SULT1E1: variants seen among roughly 807,000 people sequenced by gnomAD.
The protein encoded by SULT1E1 is sulfotransferase family 1E member 1.
A neutral mutation model predicts 33.6 loss-of-function variants in SULT1E1; 36 were observed. That is an observed-to-expected ratio of 1.07 (90% confidence interval 0.82 to 1.41). SULT1E1 has a LOEUF of 1.41. SULT1E1 is among the 40% of genes most tolerant of loss of function. SULT1E1 has a pLI of 0.00. For synonymous variants in SULT1E1, 121 were observed against 111.7 expected, an observed-to-expected ratio of 1.08 and a Z score of -0.53; for missense variants, 371 against 345.7, an observed-to-expected ratio of 1.07 and a Z score of -0.58.
chr4:69,858,806 G>A (rs991880754), intron 1 of SULT1E1, among the ~76,000 whole-genome samples: 1 of 152,078 alleles, frequency 6.6e-6, no homozygotes, highest in Non-Finnish European at 1.5e-5. Flanking sequence ...GAAGAAATGT[G>A]TATAAAATGC....
At chr4:69,851,113 A>G (rs148565582) in intron 4 of SULT1E1, among the ~76,000 whole-genome samples, 154 of 152,242 alleles carry the variant, frequency 1.0e-3, no homozygotes, top group African/African-American at 3.6e-3. Context: ...GCAAAGCCAA[A>G]ATTGACAAAT....
At chr4:69,845,412 A>G (rs1450854540) in intron 6 of SULT1E1, among the ~76,000 whole-genome samples, 1 of 151,710 alleles carries the variant, frequency 6.6e-6, no homozygotes, top group East Asian at 1.9e-4. Context: ...CCATAAATAT[A>G]TACACCTACT....
the SULT1E1 span, among the ~76,000 whole-genome samples, chr4:69,825,458 T>C: frequency 1.3e-5 from 2 of 152,166 alleles, no homozygotes; most frequent in South Asian, 4.1e-4. Context: ...CCCCTTTCAC[T>C]TGCTATTCTG....
the SULT1E1 span, among the ~76,000 whole-genome samples, chr4:69,835,173 T>C: frequency 6.6e-6 from 1 of 152,210 alleles, no homozygotes. Flanking sequence ...GCCCAGCTGA[T>C]TGCTAACTGT....
chr4:69,823,418 G>A, the SULT1E1 span, among the ~76,000 whole-genome samples: 4 of 152,038 alleles, frequency 2.6e-5, no homozygotes, highest in African/African-American at 7.2e-5. Flanking sequence ...TAGGGTCTCC[G>A]AGAGGGGGAT....
chr4:69,852,007 A>C (rs532590682), intron 4 of SULT1E1, among the ~76,000 whole-genome samples: 5 of 152,012 alleles, frequency 3.3e-5, no homozygotes, highest in Non-Finnish European at 7.4e-5. Flanking sequence ...ACAGCATTAG[A>C]AGATATACCT....
At chr4:69,827,110 C>T in the SULT1E1 span, among the ~76,000 whole-genome samples, 1 of 152,104 alleles carries the variant, frequency 6.6e-6, no homozygotes, top group Non-Finnish European at 1.5e-5. Flanking sequence ...TCAAGGTAGA[C>T]CTGGGGAAGC....
chr4:69,845,057 T>C lies in SULT1E1; in HGVS notation c.592-716A>G, dbSNP rs11573788. On this transcript the variant is annotated intron_variant, in intron 6 of 7. Transcript: ENST00000226444. ...AGGATAATATCCTTGGCTATTCTAA[T>C]TTTGGGTAGATGACCCTGTTTTGCT... Among the ~76,000 whole-genome samples, 24 of 152,176 alleles carry C rather than the reference T, an allele frequency of 1.6e-4. No homozygotes were observed. The South Asian group carries it at 5.0e-3, about 32-fold the overall frequency.
chr4:69,825,055 A>C, the SULT1E1 span, among the ~76,000 whole-genome samples: 1 of 152,160 alleles, frequency 6.6e-6, no homozygotes, highest in Admixed American at 6.5e-5. Context: ...ACCAGGAGGA[A>C]CAAACAACTC....
intron 7 of SULT1E1, among the ~76,000 whole-genome samples, chr4:69,842,640 A>C (rs1720903957): frequency 6.6e-6 from 1 of 152,198 alleles, no homozygotes; most frequent in Non-Finnish European, 1.5e-5. Flanking sequence ...ATAAGCTTGG[A>C]CGTTATTCTC....
Position 69,842,981 on chromosome 4 carries a change from C to T in SULT1E1, c.773-875G>A, listed in dbSNP as rs571318548. Among the ~76,000 whole-genome samples, 14 of 152,054 alleles carry T rather than the reference C, an allele frequency of 9.2e-5. No homozygotes were observed. The South Asian group carries it at 2.1e-3, about 23-fold the overall frequency. ...CCTCCCGAGTAGCTGGGACTACAGG[C>T]GCCCGCCACCATGCCTGGCTAATTT... On this transcript the variant is annotated intron_variant, in intron 7 of 7. Coordinates refer to ENST00000226444, the MANE Select transcript of SULT1E1 (RefSeq NM_005420.3).
chr4:69,847,959 A>G (rs1560555242), intron 5 of SULT1E1, among the ~76,000 whole-genome samples, 167 bp from the exon 6 acceptor site: 1 of 151,792 alleles, frequency 6.6e-6, no homozygotes, highest in African/African-American at 2.4e-5. Context: ...AGAGAGGCAA[A>G]GTATGTTAAA....
chr4:69,855,520 C>A (rs1721216687), intron 2 of SULT1E1, 94 bp from the exon 3 acceptor site: 10 of 1,254,096 alleles, frequency 8.0e-6, no homozygotes, highest in Admixed American at 4.7e-5. Flanking sequence ...TGGAAGGTAC[C>A]AATGCAATAC....
chr4:69,838,937 G>C (rs1720837705), downstream of SULT1E1, among the ~76,000 whole-genome samples: 1 of 152,056 alleles, frequency 6.6e-6, no homozygotes, highest in Non-Finnish European at 1.5e-5. Context: ...TCTTCTGTAT[G>C]GTATATTTAT....
chr4:69,836,392 T>G (rs1001307755), downstream of SULT1E1, among the ~76,000 whole-genome samples: 1 of 152,212 alleles, frequency 6.6e-6, no homozygotes, highest in Admixed American at 6.5e-5. Context: ...ATAGAGACAT[T>G]CTAAGGTTAA....
chr4:69,843,985 A>G (rs1720928118), intron 7 of SULT1E1, among the ~76,000 whole-genome samples, 176 bp downstream of exon 7: 1 of 152,228 alleles, frequency 6.6e-6, no homozygotes, highest in Non-Finnish European at 1.5e-5. Context: ...TAAATAATCA[A>G]CAGGTAATTG....
chr4:69,846,417 T>A (rs1317721940), intron 6 of SULT1E1, among the ~76,000 whole-genome samples: 1 of 151,056 alleles, frequency 6.6e-6, no homozygotes, highest in East Asian at 1.9e-4. Context: ...CAACATATAG[T>A]TTGATTTTAC....
chr4:69,825,890 CCT>C, the SULT1E1 span, among the ~76,000 whole-genome samples: 2 of 152,160 alleles, frequency 1.3e-5, no homozygotes, highest in African/African-American at 4.8e-5. Context: ...AAAACCACTC[CCT>C]GTTTCTGGTG....
the SULT1E1 span, among the ~76,000 whole-genome samples, chr4:69,824,594 G>A: frequency 1.3e-4 from 20 of 152,120 alleles, no homozygotes; most frequent in African/African-American, 2.2e-4. Flanking sequence ...GTTCTTGGTC[G>A]GGTGGGGACT....
Sources: allele counts gnomAD v4.1 joint callset (sites outside exome capture counted in the v4.1 genomes callset), GRCh38; gene constraint gnomAD v4.1.1; transcripts MANE v1.5; gene names NCBI Gene and HGNC (gene_info 2026-07-23, HGNC 2026-07-21).